The following JADE1 variants were observed in gnomAD, a reference collection of about 807,000 sequenced individuals.
JADE1 encodes jade family PHD finger 1.
Under a neutral mutation model 81.8 loss-of-function variants are expected in JADE1, and 14 were observed. The observed-to-expected ratio is 0.17, with a 90% CI of 0.11 to 0.27. JADE1 has a LOEUF of 0.27. Among genes scored for constraint, JADE1 ranks in the 10% least tolerant of loss-of-function variants. The probability of loss-of-function intolerance (pLI) is 1.00; values close to 1 mark genes in which losing one functional copy is unlikely to be tolerated. For missense variants in JADE1, 690 were observed against 1,047.9 expected, an observed-to-expected ratio of 0.66 and a Z score of 4.71; for synonymous variants, 353 against 391.9, an observed-to-expected ratio of 0.90 and a Z score of 1.17.
chr4:128,837,026 C>T (rs1028816193), intron 2 of JADE1, among the ~76,000 whole-genome samples: 1 of 152,192 alleles, frequency 6.6e-6, no homozygotes, highest in Non-Finnish European at 1.5e-5. Flanking sequence ...GAAGTGTGCT[C>T]ATACTGTTAA....
intron 2 of JADE1, 23 bp downstream of exon 2, chr4:128,831,833 T>C: frequency 6.2e-7 from 1 of 1,606,876 alleles, no homozygotes; most frequent in Middle Eastern, 1.7e-4. Flanking sequence ...TTGTTGTTCT[T>C]GGAGCCTACC....
At chr4:128,830,873 A>G (rs1728493648) in intron 1 of JADE1, among the ~76,000 whole-genome samples, 1 of 152,138 alleles carries the variant, frequency 6.6e-6, no homozygotes, top group South Asian at 2.1e-4. Flanking sequence ...CCTTTCTCAT[A>G]CTTGAGGGTA....
chr4:128,858,648 G>T lies in JADE1; in HGVS notation c.981+1194G>T, dbSNP rs543602245. ...GACAGAGTCTCACTCTGTCGCCCAAGCTGGAGTGCAGTGGCATCATCTCGG... is the reference window on the plus strand; with the variant it reads ...GACAGAGTCTCACTCTGTCGCCCAATCTGGAGTGCAGTGGCATCATCTCGG... On this transcript the variant is annotated intron_variant, in intron 8 of 10. Transcript: ENST00000226319. 2.0e-5 allele frequency among the ~76,000 whole-genome samples: 3 copies of T among 149,970 alleles called. No individual in the cohort carries two copies. In the East Asian group the frequency reaches 5.9e-4, roughly 29 times the overall value.
intron 8 of JADE1, among the ~76,000 whole-genome samples, chr4:128,860,638 C>T (rs1365023982): frequency 6.6e-6 from 1 of 152,212 alleles, no homozygotes; most frequent in Non-Finnish European, 1.5e-5. Context: ...GAGGAACCAC[C>T]TTCTAGGGAT....
At chr4:128,848,290 T>G (rs911838601) in intron 4 of JADE1, among the ~76,000 whole-genome samples, 7 of 152,216 alleles carry the variant, frequency 4.6e-5, no homozygotes, top group African/African-American at 7.2e-5. Context: ...GCAATTCTCC[T>G]GCCCCAGCCT....
At chr4:128,825,238 G>A (rs1336501620) in intron 1 of JADE1, among the ~76,000 whole-genome samples, 2 of 152,150 alleles carry the variant, frequency 1.3e-5, no homozygotes, top group African/African-American at 2.4e-5. Flanking sequence ...ACGGGGTTTC[G>A]CCATGTTGCT....
rs1429025207 is a variant in JADE1, at chr4:128,872,889, G to A, written c.*627G>A. 1 of 456,244 alleles carries A rather than the reference G, an allele frequency of 2.2e-6. No homozygotes were observed. The highest frequency in any genetic ancestry group is 1.5e-5 in the South Asian group (1 of 64,550). 28.3% of individuals were successfully genotyped at this position (456,244 alleles called of 1,614,324 possible). Reference sequence around the variant, plus strand: ...GCTGAGGGGACAGGGTAGAGCTGCTGCAATATGGAGATTTAGGGTAATATG... The same window carrying A: ...GCTGAGGGGACAGGGTAGAGCTGCTACAATATGGAGATTTAGGGTAATATG... On this transcript the variant is annotated 3_prime_UTR_variant, in exon 11 of 11. Coordinates refer to ENST00000226319, the MANE Select transcript of JADE1 (RefSeq NM_199320.4).
intron 6 of JADE1, among the ~76,000 whole-genome samples, chr4:128,852,554 A>T (rs1730443284): frequency 6.6e-6 from 1 of 151,906 alleles, no homozygotes; most frequent in African/African-American, 2.4e-5. Context: ...AAAAGAATGT[A>T]TGAGCCCCCT....
rs1732454581 is a variant in JADE1 at position 128,874,815 on chromosome 4, G to C, written c.*2553G>C. ...ATTAATGTATTATGTCAAAATGTAGGCTAGTTAAACTTTTGTAAAGTTGCC... is the reference window on the plus strand; with the variant it reads ...ATTAATGTATTATGTCAAAATGTAGCCTAGTTAAACTTTTGTAAAGTTGCC... On this transcript the variant is annotated 3_prime_UTR_variant, in exon 11 of 11. Coordinates refer to ENST00000226319, the MANE Select transcript of JADE1 (RefSeq NM_199320.4). 1 of 152,408 alleles carries C rather than the reference G, an allele frequency of 6.6e-6. No homozygotes were observed. Among genetic ancestry groups the C allele is most frequent in the Non-Finnish European group, 1.5e-5 (1 of 68,008 alleles). 9.4% of individuals were successfully genotyped at this position (152,408 alleles called of 1,614,324 possible).
intron 8 of JADE1, among the ~76,000 whole-genome samples, chr4:128,859,562 T>C (rs912402996): frequency 6.6e-5 from 10 of 151,592 alleles, no homozygotes; most frequent in Admixed American, 5.3e-4. Flanking sequence ...TGTGTATGTG[T>C]GTGAGTATGC....
chr4:128,870,522 T>A (rs1732111805), intron 10 of JADE1, among the ~76,000 whole-genome samples: 1 of 152,158 alleles, frequency 6.6e-6, no homozygotes, highest in South Asian at 2.1e-4. Flanking sequence ...TAACAACTCA[T>A]TAGTGGGTTG....
At chr4:128,863,369 A>G in intron 9 of JADE1, 1 of 985,532 alleles carries the variant, frequency 1.0e-6, no homozygotes, top group Non-Finnish European at 1.2e-6. Flanking sequence ...TTCTGGCCTG[A>G]AGCAGTCTGC....
intron 3 of JADE1, among the ~76,000 whole-genome samples, chr4:128,844,443 T>C (rs1729703340): frequency 6.6e-6 from 1 of 152,186 alleles, no homozygotes; most frequent in Non-Finnish European, 1.5e-5. Flanking sequence ...TTTGAGGGCC[T>C]TTGTTTCAGT....
chr4:128,848,648 AT>A (rs1730079758), intron 4 of JADE1, among the ~76,000 whole-genome samples: 1 of 152,128 alleles, frequency 6.6e-6, no homozygotes, highest in Non-Finnish European at 1.5e-5. Flanking sequence ...AGGGAAAGTG[AT>A]TTAATGACTA....
At chr4:128,824,291 C>T (rs1040401944) in intron 1 of JADE1, among the ~76,000 whole-genome samples, 5 of 151,896 alleles carry the variant, frequency 3.3e-5, no homozygotes, top group African/African-American at 1.2e-4. Flanking sequence ...ATTAGCTGGG[C>T]GTGTTGGCAG....
At chr4:128,833,220 G>T (rs1156381874) in intron 2 of JADE1, among the ~76,000 whole-genome samples, 2 of 152,106 alleles carry the variant, frequency 1.3e-5, no homozygotes, top group African/African-American at 4.8e-5. Flanking sequence ...TGAGGCGCTT[G>T]TTGTTTCATA....
chr4:128,872,457 G>C lies in JADE1; in HGVS notation c.*195G>C, dbSNP rs1560787264. 1.7e-6 allele frequency: 1 copy of C among 577,026 alleles called. No individual in the cohort carries two copies. Among genetic ancestry groups the C allele is most frequent in the East Asian group, 2.8e-5 (1 of 35,244 alleles). The allele number at this position is 577,026 out of a possible 1,614,324, so 35.7% of individuals were successfully genotyped here. On this transcript the variant is annotated 3_prime_UTR_variant, in exon 11 of 11. Transcript: ENST00000226319. ...AAGTTTGTGTTATTTGCAACTTGTT[G>C]AGGAAACAGAAGAGTAGATTGTAAC...
intron 8 of JADE1, among the ~76,000 whole-genome samples, chr4:128,860,005 C>T (rs538473922): frequency 6.6e-6 from 1 of 152,276 alleles, no homozygotes; most frequent in South Asian, 2.1e-4. Flanking sequence ...GGCCATTTGG[C>T]GTTTTTACAA....
chr4:128,852,775 C>T (rs1285337105), intron 6 of JADE1, among the ~76,000 whole-genome samples: 2 of 152,194 alleles, frequency 1.3e-5, no homozygotes, highest in Non-Finnish European at 2.9e-5. Context: ...CAGTGCTGTG[C>T]TTCCTCTGAA....
Sources: allele counts gnomAD v4.1 joint callset (sites outside exome capture counted in the v4.1 genomes callset), GRCh38; gene constraint gnomAD v4.1.1; transcripts MANE v1.5; gene names NCBI Gene and HGNC (gene_info 2026-07-23, HGNC 2026-07-21).